The following LMBR1 variants were observed in gnomAD, a reference collection of about 807,000 sequenced individuals.
The protein encoded by LMBR1 is limb region 1 protein homolog.
In LMBR1, 52 loss-of-function variants were observed where a neutral mutation model predicts 73.9. That is an observed-to-expected ratio of 0.70 (90% CI 0.56 to 0.89). The LOEUF (loss-of-function observed/expected upper bound fraction) is 0.89. LMBR1 is among the 40% of genes least tolerant of loss of function. The pLI, the probability that LMBR1 is intolerant of heterozygous loss-of-function variation, is 0.00. For synonymous variants in LMBR1, 215 were observed against 209.4 expected (o/e 1.03, Z -0.23); for missense variants, 539 against 579.8 (o/e 0.93, Z 0.72).
chr7:156,689,991 G>A (rs1723594537), intron 15 of LMBR1, among the ~76,000 whole-genome samples: 1 of 152,148 alleles, frequency 6.6e-6, no homozygotes, highest in Non-Finnish European at 1.5e-5. Flanking sequence ...AGACTCCTTT[G>A]AGAATCTGCT....
At position 156,855,881 on chromosome 7, in the gene LMBR1, C is replaced by T. The variant is rs570480897; in HGVS notation, c.67-18996G>A. 1.2e-4 allele frequency among the ~76,000 whole-genome samples: 19 copies of T among 152,140 alleles called. No individual in the cohort carries two copies. The South Asian group carries it at 1.7e-3, about 13-fold the overall frequency. On this transcript the variant is annotated intron_variant, in intron 1 of 16. Coordinates refer to ENST00000353442, the MANE Select transcript of LMBR1 (RefSeq NM_022458.4). ...TATTTCAAATGTTAAAAGGAAAAAA[C>T]GAAAAATGAAAACACCAACCCAAAG...
At chr7:156,719,309 A>G (rs1813978200) in intron 15 of LMBR1, among the ~76,000 whole-genome samples, 1 of 151,946 alleles carries the variant, frequency 6.6e-6, no homozygotes, top group Admixed American at 6.6e-5. Flanking sequence ...AAGGACATGA[A>G]CTCATCATTT....
intron 1 of LMBR1, among the ~76,000 whole-genome samples, chr7:156,888,341 C>T (rs972815960): frequency 5.5e-5 from 8 of 145,598 alleles, no homozygotes; most frequent in East Asian, 2.1e-4. Context: ...ACCGGGGGGG[C>T]GGAGCTTGCA....
At chr7:156,837,025 A>G in intron 1 of LMBR1, 140 bp from the exon 2 acceptor site, 1 of 628,820 alleles carries the variant, frequency 1.6e-6, no homozygotes, top group Middle Eastern at 4.4e-4. Flanking sequence ...TACTCATTAA[A>G]GTTTTAATAA....
rs542650323 is a variant in LMBR1, at chr7:156,684,237, AGAG to A, written c.1388-77_1388-75del. 615 of 1,137,398 alleles carry A rather than the reference AGAG, an allele frequency of 5.4e-4. 2 individuals carry two copies. In the African/African-American group the frequency reaches 8.0e-3, roughly 15 times the overall value. The allele number at this position is 1,137,398 out of a possible 1,614,324, so 70.5% of individuals were successfully genotyped here. On this transcript the variant is annotated intron_variant, in intron 16 of 16. Transcript: ENST00000353442. ...CTGGGAAAGGGTTAGGGTAGGGAGA[AGAG>A]GAGATTTACAAAGCTAAGTGTTATT...
chr7:156,857,654 C>A (rs898183258), intron 1 of LMBR1, among the ~76,000 whole-genome samples: 24 of 152,290 alleles, frequency 1.6e-4, no homozygotes, highest in African/African-American at 5.8e-4. Flanking sequence ...GCACAATATG[C>A]ATTCTTCTCA....
intron 9 of LMBR1, among the ~76,000 whole-genome samples, chr7:156,737,332 T>C (rs1818067154): frequency 6.6e-6 from 1 of 152,204 alleles, no homozygotes; most frequent in Admixed American, 6.5e-5. Context: ...CTTATTCCTG[T>C]CTTTTTGAAT....
chr7:156,724,380 T>C (rs1815271638), intron 14 of LMBR1, among the ~76,000 whole-genome samples: 1 of 152,188 alleles, frequency 6.6e-6, no homozygotes, highest in South Asian at 2.1e-4. Context: ...TTCTAGAAGA[T>C]GTTTACAGTA....
chr7:156,714,744 T>A (rs1429598058), intron 15 of LMBR1, among the ~76,000 whole-genome samples: 2 of 152,070 alleles, frequency 1.3e-5, no homozygotes, highest in Non-Finnish European at 2.9e-5. Flanking sequence ...TAGGACTCTA[T>A]ACACCAGAAA....
At chr7:156,713,095 T>C (rs935545236) in intron 15 of LMBR1, among the ~76,000 whole-genome samples, 2 of 152,134 alleles carry the variant, frequency 1.3e-5, no homozygotes, top group Admixed American at 6.6e-5. Flanking sequence ...CATGAAAAGA[T>C]ATGGAGGAAC....
chr7:156,676,028 C>T (rs887855733), downstream of LMBR1, among the ~76,000 whole-genome samples: 2 of 151,562 alleles, frequency 1.3e-5, no homozygotes, highest in African/African-American at 2.4e-5. Context: ...CGGGGGAGGT[C>T]GAGGACTCAC....
At position 156,680,114 on chromosome 7, in the gene LMBR1, A is replaced by T. The variant is rs1279866017; in HGVS notation, c.*3964T>A. 1.3e-5 allele frequency: 2 copies of T among 151,870 alleles called. No homozygotes were observed. Among genetic ancestry groups the T allele is most frequent in the Admixed American group, 6.6e-5 (1 of 15,246 alleles). The allele number at this position is 151,870 out of a possible 1,614,324, so 9.4% of individuals were successfully genotyped here. Reference sequence around the variant, plus strand: ...GTACTTTTGCTTCAGTTGTGTTTGCAGCAATAATTTTTACCTAAACAATAT... The same window carrying T: ...GTACTTTTGCTTCAGTTGTGTTTGCTGCAATAATTTTTACCTAAACAATAT... On this transcript the variant is annotated 3_prime_UTR_variant, in exon 17 of 17. Transcript: ENST00000353442.
intron 2 of LMBR1, among the ~76,000 whole-genome samples, 193 bp from the exon 3 acceptor site, chr7:156,833,985 G>T (rs1055719368): frequency 6.6e-6 from 1 of 152,152 alleles, no homozygotes; most frequent in African/African-American, 2.4e-5. Flanking sequence ...GGTATATAGA[G>T]AATGGGATGT....
chr7:156,730,479 G>A (rs984900623), intron 10 of LMBR1, among the ~76,000 whole-genome samples: 36 of 152,194 alleles, frequency 2.4e-4, no homozygotes, highest in African/African-American at 8.4e-4. Flanking sequence ...AAAGACTGAA[G>A]CCTGGCCTTG....
chr7:156,689,796 C>CAT (rs1806778979), intron 15 of LMBR1, among the ~76,000 whole-genome samples: 2 of 152,114 alleles, frequency 1.3e-5, no homozygotes, highest in Admixed American at 1.3e-4. Flanking sequence ...CTCAGCTATT[C>CAT]ATATTAATAA....
At position 156,681,337 on chromosome 7, in the gene LMBR1, C is replaced by A; in HGVS notation, c.*2741G>T. 1 of 309,860 alleles carries A rather than the reference C, an allele frequency of 3.2e-6. No homozygotes were observed. Among genetic ancestry groups the A allele is most frequent in the Non-Finnish European group, 6.2e-6 (1 of 160,422 alleles). 19.2% of individuals were successfully genotyped at this position (309,860 alleles called of 1,614,324 possible). A position where few individuals can be genotyped will look rare whatever the true frequency, so the allele number is the denominator to read the frequency against. ...GGCTCCGTCCATCTCTACTAACCAG[C>A]ACCTTAGTGCAGCAATTTAAGGAGC... On this transcript the variant is annotated 3_prime_UTR_variant, in exon 17 of 17. Transcript: ENST00000353442.
chr7:156,844,381 A>G (rs940336136), intron 1 of LMBR1, among the ~76,000 whole-genome samples: 4 of 152,142 alleles, frequency 2.6e-5, no homozygotes, highest in Admixed American at 1.3e-4. Flanking sequence ...AGACCAAAAC[A>G]AAAATCACAG....
chr7:156,770,760 T>TA lies in LMBR1; in HGVS notation c.424-6966dup, dbSNP rs529545585. 1.3e-4 allele frequency among the ~76,000 whole-genome samples: 20 copies of TA among 151,898 alleles called. No individual in the cohort carries two copies. The South Asian group carries it at 4.2e-3, about 32-fold the overall frequency. On this transcript the variant is annotated intron_variant, in intron 5 of 16. Transcript: ENST00000353442. ...AAGACCTTATCTCTAACAAAAATTT[T>TA]AAAATGAGATGGGCATGGAAGCACA...
intron 1 of LMBR1, among the ~76,000 whole-genome samples, chr7:156,880,269 T>C (rs997785207): frequency 1.3e-5 from 2 of 152,170 alleles, no homozygotes; most frequent in African/African-American, 4.8e-5. Context: ...ACATCGCATG[T>C]TCTCACTCAT....
Sources: gnomAD v4.1 joint callset for allele counts (sites outside exome capture counted in the v4.1 genomes callset) on GRCh38, gnomAD v4.1.1 for gene constraint, MANE v1.5 for transcripts, NCBI Gene and HGNC (gene_info 2026-07-23, HGNC 2026-07-21) for gene names.